Variants in RXFP2 observed in about 807,000 individuals in gnomAD.
The protein encoded by RXFP2 is relaxin receptor 2.
Under a neutral mutation model 88.6 loss-of-function variants are expected in RXFP2, and 68 were observed. That is an observed-to-expected ratio of 0.77 (90% CI 0.63 to 0.94). RXFP2 has a LOEUF of 0.94. Ranked by LOEUF, RXFP2 falls within the 40% of genes least tolerant of loss-of-function variation. The probability of loss-of-function intolerance (pLI) is 0.00; values close to 1 mark genes in which losing one functional copy is unlikely to be tolerated. For synonymous variants in RXFP2, 329 were observed against 306.8 expected (o/e 1.07, Z -0.76); for missense variants, 791 against 893.9 (o/e 0.88, Z 1.47).
At chr13:31,799,004 C>T (rs528378146) in intron 17 of RXFP2, among the ~76,000 whole-genome samples, 7 of 152,270 alleles carry the variant, frequency 4.6e-5, no homozygotes, top group South Asian at 2.1e-4. Flanking sequence ...TGCCTCATAG[C>T]GACACTATTT....
chr13:31,786,435 T>C lies in RXFP2; in HGVS notation c.982T>C (p.Leu328=). The C allele has an allele frequency of 6.2e-7, 1 of 1,607,550 alleles. No individual in the cohort carries two copies. The highest frequency in any genetic ancestry group is 8.5e-7 in the Non-Finnish European group (1 of 1,174,048). The change falls in exon 12 of 18, where the codon TTG becomes CTG. Residue 328 remains leucine, a synonymous_variant. Transcript: ENST00000298386. ...TELSPHLFKD[L]KLLQKLNLSS... ...ACTATCACCTCACCTTTTTAAAGAC[T>C]TGAAGCTTCTACAAAAGCTGTAAGT...
chr13:31,782,254 G>T lies in RXFP2; in HGVS notation c.858-422G>T, dbSNP rs571677682. Among the ~76,000 whole-genome samples the T allele has an allele frequency of 2.6e-5, 4 of 152,194 alleles. No homozygotes were observed. The South Asian group carries it at 8.3e-4, about 32-fold the overall frequency. ...ATGGGGGCGGGAAGGCAGATGGTTT[G>T]GTCAATCAGTGCATTCATGCTGGAA... On this transcript the variant is annotated intron_variant, in intron 10 of 17. Coordinates refer to ENST00000298386, the MANE Select transcript of RXFP2 (RefSeq NM_130806.5).
Position 31,758,393 on chromosome 13 carries a change from A to T in RXFP2, c.230A>T (p.Glu77Val). 1 of 1,614,120 alleles carries T rather than the reference A, an allele frequency of 6.2e-7. No homozygotes were observed. Among genetic ancestry groups the T allele is most frequent in the Non-Finnish European group, 8.5e-7 (1 of 1,180,006 alleles). Residue 77 changes from glutamate (E) to valine (V), a missense_variant, in exon 2 of 18, where the codon GAA (glutamate) becomes GTA (valine). By Grantham distance (121) the Glu-to-Val change is moderately radical (BLOSUM62 -2). Transcript: ENST00000298386. ...GKDDCGNGAD[E>V]ENCGDTSGWA... is the part of the protein sequence containing the mutation. ...GATGACTGTGGGAACGGGGCGGACGAAGAGAACTGTGGTGAGTGCTCCCCT... is the reference window on the plus strand; with the variant it reads ...GATGACTGTGGGAACGGGGCGGACGTAGAGAACTGTGGTGAGTGCTCCCCT...
chr13:31,791,240 AG>A (rs1221964136), intron 14 of RXFP2, among the ~76,000 whole-genome samples: 1 of 152,172 alleles, frequency 6.6e-6, no homozygotes, highest in African/African-American at 2.4e-5. Context: ...GACCCTGGTA[AG>A]AAATCTGTGT....
intron 2 of RXFP2, among the ~76,000 whole-genome samples, chr13:31,761,038 G>A (rs568374035): frequency 3.0e-4 from 45 of 152,190 alleles, no homozygotes; most frequent in African/African-American, 1.1e-3. Flanking sequence ...CACTGCAGCT[G>A]TGACCTCCTG....
intron 9 of RXFP2, among the ~76,000 whole-genome samples, chr13:31,779,598 C>T (rs73163318): frequency 0.027 from 4,165 of 152,264 alleles, 73 homozygotes; most frequent in Non-Finnish European, 0.045. Flanking sequence ...CCACCATTAC[C>T]CACCATTCCC....
chr13:31,789,290 C>A, intron 14 of RXFP2, 97 bp downstream of exon 14: 1 of 816,784 alleles, frequency 1.2e-6, no homozygotes, highest in Non-Finnish European at 2.1e-6. Context: ...TGTTTCTATG[C>A]AACAAAAGTC....
intron 1 of RXFP2, among the ~76,000 whole-genome samples, chr13:31,750,061 C>A (rs1039703010): frequency 5.9e-5 from 9 of 152,142 alleles, no homozygotes; most frequent in Non-Finnish European, 8.8e-5. Flanking sequence ...CAGGATCTGG[C>A]AGTTCCATCT....
intron 17 of RXFP2, 70 bp from the exon 18 acceptor site, chr13:31,802,075 CA>C: frequency 1.4e-6 from 2 of 1,479,162 alleles, no homozygotes; most frequent in Non-Finnish European, 1.9e-6. Flanking sequence ...GCATTGACTG[CA>C]AAGTGTTATT....
At chr13:31,764,243 TCACACACACA>T (rs56132108) in intron 3 of RXFP2, among the ~76,000 whole-genome samples, 10,175 of 131,720 alleles carry the variant, frequency 0.077, 348 homozygotes, top group Middle Eastern at 0.13. Context: ...TCTCTCTCTT[TCACACACACA>T]CACACACACA....
Position 31,793,095 on chromosome 13 carries a change from T to A in RXFP2, c.1786+7T>A, listed in dbSNP as rs1179402001. The A allele has an allele frequency of 6.2e-7, 1 of 1,601,984 alleles. No individual in the cohort carries two copies. Among genetic ancestry groups the A allele is most frequent in the African/African-American group, 1.3e-5 (1 of 74,606 alleles). On this transcript the variant is annotated splice_region_variant and intron_variant, in intron 16 of 17. Transcript: ENST00000298386. ...TCTCTTGGAATTTTCCTAGGTAAAT[T>A]ATATTTTTTCATTTCCTGGAAAAAC... is the stretch of plus-strand genomic sequence containing the variant.
intron 14 of RXFP2, among the ~76,000 whole-genome samples, chr13:31,790,147 C>T (rs1276617417): frequency 6.6e-6 from 1 of 152,134 alleles, no homozygotes; most frequent in Non-Finnish European, 1.5e-5. Context: ...TAGTTACTTC[C>T]CTACTAAGTA....
At chr13:31,802,065 G>T in intron 17 of RXFP2, 81 bp from the exon 18 acceptor site, 1 of 1,390,588 alleles carries the variant, frequency 7.2e-7, no homozygotes, top group Admixed American at 1.7e-5. Context: ...CTCATAAATA[G>T]CATTGACTGC....
At chr13:31,757,410 A>T (rs957347824) in intron 1 of RXFP2, among the ~76,000 whole-genome samples, 1 of 152,218 alleles carries the variant, frequency 6.6e-6, no homozygotes, top group East Asian at 1.9e-4. Flanking sequence ...ATTAACAATG[A>T]TAACCACTGT....
At chr13:31,774,484 C>T in intron 5 of RXFP2, 136 bp from the exon 6 acceptor site, 1 of 688,270 alleles carries the variant, frequency 1.5e-6, no homozygotes, top group Middle Eastern at 3.8e-4. Context: ...CTGACAACAT[C>T]TCCCCAACAT....
chr13:31,769,680 C>A (rs1872668672), intron 5 of RXFP2, among the ~76,000 whole-genome samples: 1 of 152,138 alleles, frequency 6.6e-6, no homozygotes, highest in Non-Finnish European at 1.5e-5. Context: ...CTTCTTGATA[C>A]TCTTGACTCC....
At chr13:31,763,262 C>T (rs578257987) in intron 3 of RXFP2, among the ~76,000 whole-genome samples, 2 of 151,840 alleles carry the variant, frequency 1.3e-5, no homozygotes, top group African/African-American at 4.8e-5. Context: ...TTTTCATATT[C>T]TTTGTAGAGA....
At position 31,758,367 on chromosome 13, in the gene RXFP2, G is replaced by A. The variant is rs764306812; in HGVS notation, c.204G>A (p.Lys68=). ...CLPRAFHCDG[K]DDCGNGADEE... is the part of the protein sequence containing the mutation. The stretch of plus-strand genomic sequence containing the variant: ...CCCGAGCTTTTCACTGTGATGGCAA[G>A]GATGACTGTGGGAACGGGGCGGACG... Residue 68 remains lysine (K), a synonymous_variant, in exon 2 of 18, where the codon AAG becomes AAA. Transcript: ENST00000298386. 13 of 1,614,014 alleles carry A rather than the reference G, an allele frequency of 8.1e-6. No homozygotes were observed. Among genetic ancestry groups the A allele is most frequent in the Admixed American group, 3.3e-5 (2 of 60,004 alleles).
chr13:31,743,361 G>A (rs202003695), intron 1 of RXFP2, among the ~76,000 whole-genome samples: 3 of 151,952 alleles, frequency 2.0e-5, no homozygotes, highest in South Asian at 2.1e-4. Context: ...CCAGCTACTC[G>A]GGAGGCTGAG....
Sources: allele counts gnomAD v4.1 joint callset (sites outside exome capture counted in the v4.1 genomes callset), GRCh38; gene constraint gnomAD v4.1.1; transcripts MANE v1.5; gene names NCBI Gene and HGNC (gene_info 2026-07-23, HGNC 2026-07-21).